YLPM1: variants seen among roughly 807,000 people sequenced by gnomAD.
YLPM1 encodes the protein YLP motif-containing protein 1.
A neutral mutation model predicts 230.0 loss-of-function variants in YLPM1; 99 were observed. The ratio of observed to expected loss-of-function variants is 0.43; its 90% confidence interval spans 0.37 to 0.51. YLPM1 has a LOEUF of 0.51. YLPM1 is among the 20% of genes least tolerant of loss of function. The pLI is 0.00. For missense variants in YLPM1, 2,592 were observed against 2,707.7 expected (o/e 0.96, Z 0.95); for synonymous variants, 984 against 942.5 (o/e 1.04, Z -0.81).
In YLPM1 at chr14:74,810,345, A is replaced by G. The variant is rs748254723; in HGVS notation, c.5153A>G (p.Asp1718Gly). The G allele has an allele frequency of 6.2e-7, 1 of 1,613,856 alleles. No individual in the cohort carries two copies. The highest frequency in any genetic ancestry group is 8.5e-7 in the Non-Finnish European group (1 of 1,179,860). ...AAAAGGGATCGTGAGACACATAGAG[A>G]TCGAGACCGGGATCGTGGTGTTATT... ...DFKRDRETHR[D>G]RDRDRGVIDY... The change falls in exon 9 of 21, where the codon GAT becomes GGT. Residue 1718 changes from aspartate to glycine, a missense_variant. Transcript: ENST00000325680.
At chr14:74,830,725 G>A (rs1302942682) in intron 19 of YLPM1, among the ~76,000 whole-genome samples, 1 of 152,182 alleles carries the variant, frequency 6.6e-6, no homozygotes, top group East Asian at 1.9e-4. Context: ...AGACAAGGGG[G>A]GAGCCAGCAT....
chr14:74,816,159 TTC>T, intron 11 of YLPM1, 42 bp from the exon 12 acceptor site: 1 of 1,547,108 alleles, frequency 6.5e-7, no homozygotes, highest in Non-Finnish European at 8.7e-7. Context: ...GCAGAAAATT[TTC>T]TCTCAGTGAT....
intron 19 of YLPM1, among the ~76,000 whole-genome samples, chr14:74,831,861 G>T (rs907514032): frequency 6.6e-6 from 1 of 152,172 alleles, no homozygotes; most frequent in Admixed American, 6.5e-5. Flanking sequence ...TAACAAAAAC[G>T]TGGTTCTGTA....
At chr14:74,768,499 G>A (rs2090937091) in intron 1 of YLPM1, among the ~76,000 whole-genome samples, 2 of 152,094 alleles carry the variant, frequency 1.3e-5, no homozygotes, top group Non-Finnish European at 2.9e-5. Context: ...CACCTGCTTC[G>A]GCCTCCCAAA....
At chr14:74,803,876 G>A (rs1176446078) in intron 6 of YLPM1, among the ~76,000 whole-genome samples, 2 of 152,064 alleles carry the variant, frequency 1.3e-5, no homozygotes, top group African/African-American at 4.8e-5. Context: ...AAAAATTCTC[G>A]GCCAGGCGCG....
chr14:74,784,773 A>G (rs574703955), intron 4 of YLPM1, among the ~76,000 whole-genome samples: 1 of 152,304 alleles, frequency 6.6e-6, no homozygotes, highest in African/African-American at 2.4e-5. Context: ...AGTTATTTAA[A>G]AACTATTACC....
intron 6 of YLPM1, among the ~76,000 whole-genome samples, 194 bp from the exon 7 acceptor site, chr14:74,809,186 G>T (rs1420669783): frequency 6.6e-6 from 1 of 151,322 alleles, no homozygotes; most frequent in African/African-American, 2.4e-5. Context: ...TCAAATATAA[G>T]ATTTGCCTAT....
Position 74,816,565 on chromosome 14 carries a change from T to C in YLPM1, c.5566-6T>C. On this transcript the variant is annotated splice_region_variant and splice_polypyrimidine_tract_variant and intron_variant, in intron 12 of 20. Transcript: ENST00000325680. Reference sequence around the variant, plus strand: ...GTTTTAACCTTCTTGACTGTATGATTCTTAGGATAAGGAGGTAGAATTTGG... The same window carrying C: ...GTTTTAACCTTCTTGACTGTATGATCCTTAGGATAAGGAGGTAGAATTTGG... 1 of 1,610,768 alleles carries C rather than the reference T, an allele frequency of 6.2e-7. No homozygotes were observed. Among genetic ancestry groups the C allele is most frequent in the Non-Finnish European group, 8.5e-7 (1 of 1,178,946 alleles).
Position 74,810,415 on chromosome 14 carries a change from T to C in YLPM1, c.5223T>C (p.Asp1741=). Residue 1741 remains aspartate, a synonymous_variant, in exon 9 of 21, where the codon GAT becomes GAC. Transcript: ENST00000325680. ...DRFDRERRPR[D]DRAQSYRDKK... is the part of the protein sequence containing the mutation. ...TTGACAGAGAACGCCGACCCCGAGA[T>C]GATAGGTATGCTATAAAACAATCTT... 6.2e-7 allele frequency: 1 copy of C among 1,612,830 alleles called. No individual in the cohort carries two copies. The highest frequency in any genetic ancestry group is 8.5e-7 in the Non-Finnish European group (1 of 1,179,540).
chr14:74,797,760 T>C lies in YLPM1; in HGVS notation c.2463T>C (p.Tyr821=), dbSNP rs776883559. 1.1e-5 allele frequency: 17 copies of C among 1,613,550 alleles called. No homozygotes were observed. Among genetic ancestry groups the C allele is most frequent in the Admixed American group, 5.0e-5 (3 of 59,956 alleles). ...CCCGGGGGCCAGCATCTCAATTTTATATTACCCCCAGTACATCCCTAAGTC... is the reference window on the plus strand; with the variant it reads ...CCCGGGGGCCAGCATCTCAATTTTACATTACCCCCAGTACATCCCTAAGTC... The part of the protein sequence containing the change: ...MIPRGPASQF[Y]ITPSTSLSPR... The change falls in exon 5 of 21, where the codon TAT becomes TAC. Residue 821 remains tyrosine (Y), a synonymous_variant. Transcript: ENST00000325680.
intron 6 of YLPM1, among the ~76,000 whole-genome samples, chr14:74,805,095 C>T (rs1465966344): frequency 1.3e-5 from 2 of 151,302 alleles, no homozygotes; most frequent in Non-Finnish European, 2.9e-5. Context: ...TTTCAGCTCA[C>T]CGAAACCTCC....
At chr14:74,797,418 A>G (rs930768273) in intron 4 of YLPM1, among the ~76,000 whole-genome samples, 162 bp from the exon 5 acceptor site, 1 of 152,048 alleles carries the variant, frequency 6.6e-6, no homozygotes, top group Non-Finnish European at 1.5e-5. Flanking sequence ...CCACCTTAAC[A>G]TACTGGTTCT....
rs746219864 is a variant in YLPM1 at position 74,818,235 on chromosome 14, C to G, written c.5951C>G (p.Ala1984Gly). ...ACCATCTGAATTTTTCAATAGATGG[C>G]TGATCACTGGGAAACTGCACCTCGT... is the stretch of plus-strand genomic sequence containing the variant. ...GRKLKEINKMADHWETAPRHM... is the reference protein window; with the variant it reads ...GRKLKEINKMGDHWETAPRHM... Residue 1984 changes from alanine (A) to glycine (G), a missense_variant, in exon 16 of 21, where the codon GCT becomes GGT. Transcript: ENST00000325680. The G allele has an allele frequency of 1.3e-6, 2 of 1,598,552 alleles. No individual in the cohort carries two copies. Among genetic ancestry groups the G allele is most frequent in the African/African-American group, 2.7e-5 (2 of 74,598 alleles).
chr14:74,810,408 C>G lies in YLPM1; in HGVS notation c.5216C>G (p.Pro1739Arg), dbSNP rs764886171. Residue 1739 changes from proline (P) to arginine (R), a missense_variant, in exon 9 of 21, where the codon CCC (proline) becomes CGC (arginine). Coordinates refer to ENST00000325680, the MANE Select transcript of YLPM1 (RefSeq NM_019589.3). The part of the protein sequence containing the change: ...DRDRFDRERR[P>R]RDDRAQSYRD... ...GATCGATTTGACAGAGAACGCCGAC[C>G]CCGAGATGATAGGTATGCTATAAAA... is the stretch of plus-strand genomic sequence containing the variant. The G allele has an allele frequency of 6.5e-7, 1 of 1,543,916 alleles. No individual in the cohort carries two copies. Among genetic ancestry groups the G allele is most frequent in the Non-Finnish European group, 8.8e-7 (1 of 1,142,012 alleles).
chr14:74,818,406 T>C lies in YLPM1; in HGVS notation c.6030+92T>C, dbSNP rs932347181. On this transcript the variant is annotated intron_variant, in intron 16 of 20. Transcript: ENST00000325680. ...ACTTAAAACCTACAGAAAAGTTATA[T>C]GAATAGTATTCATACAAGAACACCT... 6.2e-5 allele frequency: 66 copies of C among 1,057,854 alleles called. No homozygotes were observed. The African/African-American group carries it at 1.0e-3, about 16-fold the overall frequency. The allele number at this position is 1,057,854 out of a possible 1,614,324, so 65.5% of individuals were successfully genotyped here. A position where few individuals can be genotyped will look rare whatever the true frequency, so the allele number is the denominator to read the frequency against.
At position 74,797,765 on chromosome 14, in the gene YLPM1, C is replaced by T; in HGVS notation, c.2468C>T (p.Thr823Ile). The T allele has an allele frequency of 6.2e-7, 1 of 1,613,744 alleles. No individual in the cohort carries two copies. ...GGGCCAGCATCTCAATTTTATATTA[C>T]CCCCAGTACATCCCTAAGTCCTCGA... Reference protein sequence around the residue: ...PRGPASQFYITPSTSLSPRQS... With the variant: ...PRGPASQFYIIPSTSLSPRQS... The change falls in exon 5 of 21, where the codon ACC becomes ATC. Residue 823 changes from threonine (T) to isoleucine (I), a missense_variant. Coordinates refer to ENST00000325680, the MANE Select transcript of YLPM1 (RefSeq NM_019589.3).
intron 18 of YLPM1, chr14:74,827,891 C>T: frequency 2.0e-6 from 2 of 985,288 alleles, no homozygotes; most frequent in South Asian, 9.4e-5. Flanking sequence ...CATGTGATTC[C>T]AGAAATTAGA....
In YLPM1 at chr14:74,781,799, G is replaced by C; in HGVS notation, c.1756G>C (p.Gly586Arg). 1 of 1,609,634 alleles carries C rather than the reference G, an allele frequency of 6.2e-7. No homozygotes were observed. ...PGMPPSLSSA[G>R]PPPVLPPPSL... Reference sequence around the variant, plus strand: ...GATGCCTCCTTCTCTCTCTTCTGCAGGGCCACCACCAGTTCTCCCCCCACC... The same window carrying C: ...GATGCCTCCTTCTCTCTCTTCTGCACGGCCACCACCAGTTCTCCCCCCACC... The change falls in exon 4 of 21, where the codon GGG becomes CGG. Residue 586 changes from glycine to arginine, a missense_variant. By Grantham distance (125) the Gly-to-Arg change is moderately radical. This residue lies in a region of YLPM1 where 1,862 missense variants were observed against 1,819.8 expected (regional missense o/e 1.02). Transcript: ENST00000325680.
intron 5 of YLPM1, among the ~76,000 whole-genome samples, chr14:74,800,364 A>G (rs115692165): frequency 0.02 from 3,076 of 152,324 alleles, 94 homozygotes; most frequent in African/African-American, 0.07. Flanking sequence ...TCTTGTGGTA[A>G]CAACAATAAC....
Sources: gnomAD v4.1 joint callset for allele counts (sites outside exome capture counted in the v4.1 genomes callset) on GRCh38, gnomAD v4.1.1 for gene constraint, gnomAD v4.1.1 regional missense constraint, MANE v1.5 for transcripts, NCBI Gene and HGNC (gene_info 2026-07-23, HGNC 2026-07-21) for gene names.